PHLPP2: variants seen among roughly 807,000 people sequenced by gnomAD.
PHLPP2 encodes PH domain leucine-rich repeat-containing protein phosphatase 2.
In PHLPP2, 66 loss-of-function variants were observed where a neutral mutation model predicts 124.9. That is an observed-to-expected ratio of 0.53 (90% CI 0.43 to 0.65). PHLPP2 has a LOEUF of 0.65. Among genes scored for constraint, PHLPP2 ranks in the 30% least tolerant of loss-of-function variants. PHLPP2 has a pLI of 0.00. For missense variants in PHLPP2, 1,685 were observed against 1,600.4 expected (o/e 1.05, Z -0.90); for synonymous variants, 681 against 624.7 (o/e 1.09, Z -1.34).
chr16:71,696,515 T>C (rs887268540), intron 3 of PHLPP2, among the ~76,000 whole-genome samples: 1 of 152,004 alleles, frequency 6.6e-6, no homozygotes, highest in Non-Finnish European at 1.5e-5. Context: ...TGGGTGCCTG[T>C]AGCTCCAGCT....
rs565386319 is a variant in PHLPP2 at position 71,665,914 on chromosome 16, T to C, written c.1784+1264A>G. ...GAAGACTATCCAATCAACTGTATTA[T>C]ACATTAAGAGATGTATAAGCTGCTA... On this transcript the variant is annotated intron_variant, in intron 12 of 18. Transcript: ENST00000568954. 4.1e-4 allele frequency among the ~76,000 whole-genome samples: 63 copies of C among 152,364 alleles called. No homozygotes were observed. The South Asian group carries it at 6.4e-3, about 16-fold the overall frequency.
At chr16:71,656,231 G>A (rs752873834) in intron 16 of PHLPP2, among the ~76,000 whole-genome samples, 6 of 152,170 alleles carry the variant, frequency 3.9e-5, no homozygotes, top group Admixed American at 6.5e-5. Context: ...ACTAGACTGG[G>A]TGTCATCAGA....
rs2044732311 is a variant in PHLPP2, at chr16:71,655,258, G to C, written c.2567C>G (p.Thr856Ser). The change falls in exon 17 of 19, where the codon ACC becomes AGC. Residue 856 changes from threonine (T) to serine (S), a missense_variant. Transcript: ENST00000568954. ...TGCTTACCTGTGAGATACCAAGAAGGTGTTAGCCATGAAAACTGTGTCATT... is the reference window on the plus strand; with the variant it reads ...TGCTTACCTGTGAGATACCAAGAAGCTGTTAGCCATGAAAACTGTGTCATT... ...STNDTVFMAN[T>S]FLVSHRKLGM... 5.0e-6 allele frequency: 8 copies of C among 1,612,274 alleles called. No homozygotes were observed. Among genetic ancestry groups the C allele is most frequent in the Non-Finnish European group, 6.8e-6 (8 of 1,178,368 alleles).
intron 1 of PHLPP2, chr16:71,723,428 CCGAGCGCGGCGAGGCAAG>C (rs1239955527): frequency 6.5e-6 from 1 of 152,746 alleles, no homozygotes; most frequent in Non-Finnish European, 1.5e-5. Flanking sequence ...CCTCCGGGCC[CCGAGCGCGGCGAGGCAAG>C]CAGGGGCGGC....
intron 3 of PHLPP2, among the ~76,000 whole-genome samples, chr16:71,696,945 T>G (rs1283039609): frequency 1.3e-5 from 2 of 151,798 alleles, no homozygotes; most frequent in Non-Finnish European, 2.9e-5. Flanking sequence ...GAGGCCGAGG[T>G]AGGCGGATGA....
chr16:71,679,563 T>C (rs1170750506), intron 6 of PHLPP2, 28 bp from the exon 7 acceptor site: 20 of 1,596,800 alleles, frequency 1.3e-5, no homozygotes, highest in Non-Finnish European at 1.5e-5. Context: ...AAATGGGTAT[T>C]GCATTTCAAT....
intron 1 of PHLPP2, among the ~76,000 whole-genome samples, chr16:71,722,670 C>T (rs2045405774): frequency 6.6e-6 from 1 of 152,076 alleles, no homozygotes; most frequent in African/African-American, 2.4e-5. Context: ...ATTTTTGAAA[C>T]ACATCAAATT....
At position 71,655,316 on chromosome 16, in the gene PHLPP2, C is replaced by A; in HGVS notation, c.2509G>T (p.Asp837Tyr). ...LPRLLQCTMA[D>Y]VLLEEVQQST... ...TGCTGTACCTCTTCTAAAAGCACATCTGCCATCGTACACTGCAGCAGGCGC... is the reference window on the plus strand; with the variant it reads ...TGCTGTACCTCTTCTAAAAGCACATATGCCATCGTACACTGCAGCAGGCGC... The change falls in exon 17 of 19, where the codon GAT becomes TAT. Residue 837 changes from aspartate to tyrosine, a missense_variant. Transcript: ENST00000568954. 6.2e-7 allele frequency: 1 copy of A among 1,614,012 alleles called. No individual in the cohort carries two copies. Among genetic ancestry groups the A allele is most frequent in the South Asian group, 1.1e-5 (1 of 91,074 alleles).
rs1344448313 is a variant in PHLPP2, at chr16:71,678,942, G to A, written c.1081C>T (p.Pro361Ser). 20 of 1,612,574 alleles carry A rather than the reference G, an allele frequency of 1.2e-5. No individual in the cohort carries two copies. The highest frequency in any genetic ancestry group is 1.7e-5 in the Non-Finnish European group (20 of 1,178,896). ...CLDGNFLTTLPEELGNLQQLS... is the reference protein window; with the variant it reads ...CLDGNFLTTLSEELGNLQQLS... ...TGTTGTAGATTTCCCAATTCTTCAGGTAAAGTAGTCAGAAAGTTGCCATCA... is the reference window on the plus strand; with the variant it reads ...TGTTGTAGATTTCCCAATTCTTCAGATAAAGTAGTCAGAAAGTTGCCATCA... Residue 361 changes from proline (P) to serine (S), a missense_variant, in exon 8 of 19, where the codon CCT (proline) becomes TCT (serine). Transcript: ENST00000568954.
intron 3 of PHLPP2, among the ~76,000 whole-genome samples, chr16:71,697,305 G>A (rs1184383722): frequency 6.6e-6 from 1 of 152,026 alleles, no homozygotes; most frequent in Non-Finnish European, 1.5e-5. Context: ...CAGGAAAAGA[G>A]CACCACAGCC....
intron 1 of PHLPP2, among the ~76,000 whole-genome samples, chr16:71,716,261 A>C (rs151238509): frequency 1.1e-3 from 169 of 152,324 alleles, no homozygotes; most frequent in African/African-American, 3.9e-3. Context: ...CCAGCAATAA[A>C]CATTTTTGTA....
chr16:71,697,973 G>C (rs995415125), intron 3 of PHLPP2, among the ~76,000 whole-genome samples: 2 of 151,398 alleles, frequency 1.3e-5, no homozygotes, highest in Non-Finnish European at 2.9e-5. Context: ...TCAGCCTCCA[G>C]AGTAGCTGGG....
intron 6 of PHLPP2, among the ~76,000 whole-genome samples, chr16:71,680,839 T>C (rs1037754901): frequency 7.9e-5 from 12 of 152,340 alleles, no homozygotes; most frequent in African/African-American, 2.9e-4. Flanking sequence ...TTCTTTTTCA[T>C]AGCAACTCAC....
intron 4 of PHLPP2, among the ~76,000 whole-genome samples, chr16:71,688,830 A>G (rs1484022390): frequency 6.6e-6 from 1 of 152,144 alleles, no homozygotes; most frequent in African/African-American, 2.4e-5. Flanking sequence ...CTCCTGCCCC[A>G]TGGTTGATAC....
intron 10 of PHLPP2, 115 bp downstream of exon 10, chr16:71,672,147 G>A (rs140130193): frequency 1.2e-5 from 9 of 720,948 alleles, no homozygotes; most frequent in Non-Finnish European, 2.2e-5. Flanking sequence ...CCTTTTTCCA[G>A]GTTATCCAAG....
chr16:71,655,119 C>G (rs2044731451), intron 17 of PHLPP2, 121 bp downstream of exon 17: 2 of 701,852 alleles, frequency 2.8e-6, no homozygotes, highest in Non-Finnish European at 5.1e-6. Context: ...TCATAGAAGA[C>G]AACAACGTGA....
At chr16:71,668,273 G>T (rs372146852) in intron 11 of PHLPP2, among the ~76,000 whole-genome samples, 8 of 151,786 alleles carry the variant, frequency 5.3e-5, no homozygotes, top group Admixed American at 1.3e-4. Flanking sequence ...AAATTTAGCC[G>T]GGCGTGGCAG....
intron 5 of PHLPP2, among the ~76,000 whole-genome samples, chr16:71,682,982 C>T (rs145124508): frequency 1.3e-5 from 2 of 152,124 alleles, no homozygotes; most frequent in Non-Finnish European, 2.9e-5. Flanking sequence ...ACCAGCCTGG[C>T]CAACATGGTG....
intron 13 of PHLPP2, among the ~76,000 whole-genome samples, chr16:71,660,942 A>C (rs2044784232): frequency 6.6e-6 from 1 of 152,140 alleles, no homozygotes; most frequent in Non-Finnish European, 1.5e-5. Context: ...AAATGAACTG[A>C]TAGTGGATTT....
Sources: allele counts gnomAD v4.1 joint callset (sites outside exome capture counted in the v4.1 genomes callset), GRCh38; gene constraint gnomAD v4.1.1; transcripts MANE v1.5; gene names NCBI Gene and HGNC (gene_info 2026-07-23, HGNC 2026-07-21).